Variants in NEGR1 observed in about 807,000 individuals in gnomAD.
NEGR1 encodes neuronal growth regulator 1.
Under a neutral mutation model 40.9 loss-of-function variants are expected in NEGR1, and 10 were observed. The observed-to-expected ratio is 0.24, with a 90% CI of 0.15 to 0.42. The LOEUF (loss-of-function observed/expected upper bound fraction) is 0.42. NEGR1 is among the 10% of genes least tolerant of loss of function. The pLI is 1.00. For synonymous variants in NEGR1, 185 were observed against 166.8 expected (o/e 1.11, Z -0.84); for missense variants, 352 against 438.9 (o/e 0.80, Z 1.77).
rs1013975495 is a variant in NEGR1, at chr1:71,485,537, T to C, written c.941-77967A>G. ...GCTTAATGATAAGTTTCTAGCATTA[T>C]AGTCTCATCCACAGTATTTTCATTG... On this transcript the variant is annotated intron_variant, in intron 6 of 6. Coordinates refer to ENST00000357731, the MANE Select transcript of NEGR1 (RefSeq NM_173808.3). 2.6e-5 allele frequency among the ~76,000 whole-genome samples: 4 copies of C among 151,628 alleles called. No individual in the cohort carries two copies. In the East Asian group the frequency reaches 7.8e-4, roughly 30 times the overall value.
intron 4 of NEGR1, among the ~76,000 whole-genome samples, chr1:71,659,071 G>GA (rs1651970118): frequency 6.6e-6 from 1 of 152,152 alleles, no homozygotes; most frequent in South Asian, 2.1e-4. Context: ...GGTTGAGGTA[G>GA]AAAGACTTTT....
intron 1 of NEGR1, among the ~76,000 whole-genome samples, chr1:72,172,276 A>C (rs1651991162): frequency 6.6e-6 from 1 of 152,166 alleles, no homozygotes; most frequent in Admixed American, 6.6e-5. Context: ...TTATTTCAAT[A>C]ATTTTGTCAT....
chr1:71,481,386 A>G (rs551813459), intron 6 of NEGR1, among the ~76,000 whole-genome samples: 13 of 151,920 alleles, frequency 8.6e-5, no homozygotes, highest in African/African-American at 3.1e-4. Flanking sequence ...ATGATTTTTC[A>G]AGACCTAAAT....
intron 3 of NEGR1, among the ~76,000 whole-genome samples, chr1:71,761,699 T>G (rs2101700659): frequency 6.6e-6 from 1 of 152,226 alleles, no homozygotes; most frequent in Non-Finnish European, 1.5e-5. Flanking sequence ...CTCAGTATTC[T>G]AACTTAACCA....
At chr1:71,456,438 A>T (rs1646673394) in intron 6 of NEGR1, among the ~76,000 whole-genome samples, 1 of 152,112 alleles carries the variant, frequency 6.6e-6, no homozygotes, top group African/African-American at 2.4e-5. Flanking sequence ...AGAATGAAGG[A>T]TTTATCCTAC....
At chr1:71,615,248 C>A (rs1650410933) in intron 4 of NEGR1, among the ~76,000 whole-genome samples, 1 of 151,816 alleles carries the variant, frequency 6.6e-6, no homozygotes, top group East Asian at 1.9e-4. Flanking sequence ...CTTTATTCCT[C>A]TGTTGATTCA....
At position 71,928,059 on chromosome 1, in the gene NEGR1, TAC is replaced by T. The variant is rs1192132223; in HGVS notation, c.409+7018_409+7019del. Among the ~76,000 whole-genome samples the T allele has an allele frequency of 4.6e-3, 405 of 88,596 alleles. 33 individuals carry two copies. Among genetic ancestry groups the T allele is most frequent in the African/African-American group, 0.013 (279 of 21,900 alleles). The allele number at this position is 88,596 out of a possible 152,430, so 58.1% of individuals were successfully genotyped here. A position where few individuals can be genotyped will look rare whatever the true frequency, so the allele number is the denominator to read the frequency against. On this transcript the variant is annotated intron_variant, in intron 2 of 6. Coordinates refer to ENST00000357731, the MANE Select transcript of NEGR1 (RefSeq NM_173808.3). ...ACACACACACACACACGTATATATATACACACACACATATGTACATATATGTA... is the reference window on the plus strand; with the variant it reads ...ACACACACACACACACGTATATATATACACACACATATGTACATATATGTA...
intron 2 of NEGR1, among the ~76,000 whole-genome samples, chr1:71,928,695 C>T (rs1645825318): frequency 6.6e-6 from 1 of 151,700 alleles, no homozygotes. Flanking sequence ...AATTGCAAAA[C>T]TGGACATTTC....
intron 1 of NEGR1, among the ~76,000 whole-genome samples, chr1:72,068,815 C>T (rs1045701383): frequency 1.3e-5 from 2 of 151,914 alleles, no homozygotes; most frequent in Admixed American, 1.3e-4. Context: ...TGGAATTATT[C>T]TTGAGGAATT....
chr1:71,643,205 C>T (rs533074494), intron 4 of NEGR1, among the ~76,000 whole-genome samples: 1 of 152,028 alleles, frequency 6.6e-6, no homozygotes, highest in Non-Finnish European at 1.5e-5. Context: ...GACTTTTTTC[C>T]ATGCATATTC....
chr1:71,790,339 T>A (rs1322815686), intron 2 of NEGR1, among the ~76,000 whole-genome samples: 1 of 152,132 alleles, frequency 6.6e-6, no homozygotes, highest in African/African-American at 2.4e-5. Context: ...AACTTGGATG[T>A]ATCTCTGGGA....
At chr1:71,442,487 G>A (rs1455627192) in intron 6 of NEGR1, among the ~76,000 whole-genome samples, 1 of 151,994 alleles carries the variant, frequency 6.6e-6, no homozygotes, top group African/African-American at 2.4e-5. Context: ...GGCGGCATGC[G>A]CCTGTAATCC....
At chr1:72,253,992 T>A (rs957431500) in intron 1 of NEGR1, among the ~76,000 whole-genome samples, 35 of 152,164 alleles carry the variant, frequency 2.3e-4, no homozygotes, top group Admixed American at 2.3e-3. Context: ...ACAAATGATT[T>A]TCCCCAGGTC....
chr1:71,780,451 G>A (rs759757494), intron 2 of NEGR1, among the ~76,000 whole-genome samples: 5 of 152,150 alleles, frequency 3.3e-5, no homozygotes, highest in Non-Finnish European at 5.9e-5. Context: ...ATATCTCCTA[G>A]TGAAACTCTA....
At chr1:71,446,571 T>C (rs142235883) in intron 6 of NEGR1, among the ~76,000 whole-genome samples, 282 of 152,324 alleles carry the variant, frequency 1.9e-3, no homozygotes, top group African/African-American at 5.7e-3. Context: ...AAGTGGAAAT[T>C]TAGTTAGCAT....
At chr1:71,814,091 G>C (rs755141627) in intron 2 of NEGR1, among the ~76,000 whole-genome samples, 1 of 152,076 alleles carries the variant, frequency 6.6e-6, no homozygotes, top group Non-Finnish European at 1.5e-5. Flanking sequence ...TTAATATTTT[G>C]AGGAATGTTC....
At chr1:71,799,221 T>C (rs929156266) in intron 2 of NEGR1, among the ~76,000 whole-genome samples, 6 of 152,174 alleles carry the variant, frequency 3.9e-5, no homozygotes, top group African/African-American at 1.4e-4. Flanking sequence ...CAGGCCCCAG[T>C]GTGTGATATT....
chr1:72,224,890 T>C (rs1289242796), intron 1 of NEGR1, among the ~76,000 whole-genome samples: 1 of 152,104 alleles, frequency 6.6e-6, no homozygotes, highest in East Asian at 1.9e-4. Context: ...ATAATTCTTA[T>C]AATTATTAAT....
intron 5 of NEGR1, among the ~76,000 whole-genome samples, chr1:71,597,412 T>A (rs1467315163): frequency 4.1e-4 from 49 of 120,538 alleles, no homozygotes; most frequent in African/African-American, 1.3e-3. Flanking sequence ...GGAGTTTTAT[T>A]TATATATATA....
Sources: allele counts gnomAD v4.1 joint callset (sites outside exome capture counted in the v4.1 genomes callset), GRCh38; gene constraint gnomAD v4.1.1; transcripts MANE v1.5; gene names NCBI Gene and HGNC (gene_info 2026-07-23, HGNC 2026-07-21).